The following FLVCR2 variants were observed in gnomAD, a reference collection of about 807,000 sequenced individuals.
The protein encoded by FLVCR2 is FLVCR choline and putative heme transporter 2, also known as choline/ethanolamine transporter FLVCR2.
A neutral mutation model predicts 48.9 loss-of-function variants in FLVCR2; 38 were observed. That is an observed-to-expected ratio of 0.78 (90% confidence interval 0.60 to 1.02). The LOEUF (loss-of-function observed/expected upper bound fraction) is 1.02. Among genes scored for constraint, FLVCR2 ranks in the 50% least tolerant of loss-of-function variants. FLVCR2 has a pLI of 0.00. For synonymous variants in FLVCR2, 255 were observed against 257.0 expected (o/e 0.99, Z 0.07); for missense variants, 664 against 663.3 (o/e 1.00, Z -0.01).
rs551239933 is a variant in FLVCR2, at chr14:75,595,708, G to T, written c.669+16067G>T. On this transcript the variant is annotated intron_variant, in intron 1 of 9. Transcript: ENST00000238667. ...TTGCTCACATGACTGTCTACTTTTTGTTTGTTTGTTTTTGTGTTTTCACAT... is the reference window on the plus strand; with the variant it reads ...TTGCTCACATGACTGTCTACTTTTTTTTTGTTTGTTTTTGTGTTTTCACAT... 1.1e-4 allele frequency: 69 copies of T among 603,114 alleles called. No individual in the cohort carries two copies. In the African/African-American group the frequency reaches 1.2e-3, roughly 10 times the overall value. 37.4% of individuals were successfully genotyped at this position (603,114 alleles called of 1,614,324 possible).
intron 3 of FLVCR2, among the ~76,000 whole-genome samples, chr14:75,626,338 C>A (rs775798110): frequency 3.9e-5 from 6 of 151,950 alleles, no homozygotes; most frequent in Non-Finnish European, 5.9e-5. Context: ...GATGTTCCTT[C>A]CTAGAATTGT....
intron 5 of FLVCR2, among the ~76,000 whole-genome samples, chr14:75,638,781 G>A (rs1026065177): frequency 1.6e-4 from 25 of 152,208 alleles, no homozygotes; most frequent in Non-Finnish European, 2.1e-4. Flanking sequence ...CAAAGATATC[G>A]TAAGATGGCT....
intron 3 of FLVCR2, among the ~76,000 whole-genome samples, chr14:75,628,838 G>T (rs1293330307): frequency 6.6e-6 from 1 of 152,206 alleles, no homozygotes; most frequent in Non-Finnish European, 1.5e-5. Context: ...GTTCTGAATG[G>T]AAGTGAAAGC....
rs573320267 is a variant in FLVCR2, at chr14:75,600,783, G to C, written c.669+21142G>C. ...AGGATGCTATTAACAGACTAAAAAAGTCACCCATATTTGGGAGAAAATATT... is the reference window on the plus strand; with the variant it reads ...AGGATGCTATTAACAGACTAAAAAACTCACCCATATTTGGGAGAAAATATT... On this transcript the variant is annotated intron_variant, in intron 1 of 9. Transcript: ENST00000238667. Among the ~76,000 whole-genome samples the C allele has an allele frequency of 1.2e-4, 18 of 151,942 alleles. No individual in the cohort carries two copies. In the South Asian group the frequency reaches 3.7e-3, roughly 32 times the overall value.
rs762680015 is a variant in FLVCR2 at position 75,579,474 on chromosome 14, A to C, written c.502A>C (p.Lys168Gln). 1 of 1,613,418 alleles carries C rather than the reference A, an allele frequency of 6.2e-7. No individual in the cohort carries two copies. The highest frequency in any genetic ancestry group is 1.7e-5 in the Admixed American group (1 of 60,024). Residue 168 changes from lysine to glutamine, a missense_variant, in exon 1 of 10, where the codon AAG becomes CAG. By Grantham distance (53) the Lys-to-Gln change is moderately conservative (BLOSUM62 1). Coordinates refer to ENST00000238667, the MANE Select transcript of FLVCR2 (RefSeq NM_017791.3). ...TCTCAACTGCCTGGGGGCCTGGGTGAAGCTGGGCAGCCTGAAGCCGCATCT... is the reference window on the plus strand; with the variant it reads ...TCTCAACTGCCTGGGGGCCTGGGTGCAGCTGGGCAGCCTGAAGCCGCATCT... The part of the protein sequence containing the change: ...SALNCLGAWV[K>Q]LGSLKPHLFP...
chr14:75,635,133 A>C (rs1374614905), intron 5 of FLVCR2, 120 bp downstream of exon 5: 9 of 730,844 alleles, frequency 1.2e-5, no homozygotes, highest in Non-Finnish European at 2.0e-5. Context: ...AGGTCATTCA[A>C]GTTTGACTTC....
chr14:75,624,197 A>G (rs1037022143), intron 2 of FLVCR2, among the ~76,000 whole-genome samples: 3 of 152,032 alleles, frequency 2.0e-5, no homozygotes, highest in African/African-American at 4.8e-5. Context: ...CCCCATCTCT[A>G]TGAAAAATAC....
chr14:75,597,439 G>A (rs890541933), intron 1 of FLVCR2, among the ~76,000 whole-genome samples: 1 of 152,176 alleles, frequency 6.6e-6, no homozygotes, highest in Non-Finnish European at 1.5e-5. Flanking sequence ...CTCAACTTGG[G>A]GGATTAGCCC....
chr14:75,637,356 C>T lies in FLVCR2; in HGVS notation c.1125-1996C>T, dbSNP rs538844694. 2.5e-4 allele frequency among the ~76,000 whole-genome samples: 38 copies of T among 152,198 alleles called. 1 individual carries two copies. Among genetic ancestry groups the T allele is most frequent in the Admixed American group, 2.4e-3 (36 of 15,276 alleles). ...CTGGCACTCAAGAGATGGAGGGTTT[C>T]GTTTGACACAACCGTAGCGTGCCAT... On this transcript the variant is annotated intron_variant, in intron 5 of 9. Coordinates refer to ENST00000238667, the MANE Select transcript of FLVCR2 (RefSeq NM_017791.3).
At position 75,579,772 on chromosome 14, in the gene FLVCR2, A is replaced by G. The variant is rs1888549010; in HGVS notation, c.669+131A>G. On this transcript the variant is annotated intron_variant, in intron 1 of 9. Coordinates refer to ENST00000238667, the MANE Select transcript of FLVCR2 (RefSeq NM_017791.3). ...CTCTGGGTGACAGTAACTGGGTGTG[A>G]CAGGCAGTGATTGTGATGCTGTAAG... The G allele has an allele frequency of 5.0e-6, 5 of 1,004,438 alleles. No individual in the cohort carries two copies. In the East Asian group the frequency reaches 1.3e-4, roughly 26 times the overall value. 62.2% of individuals were successfully genotyped at this position (1,004,438 alleles called of 1,614,324 possible).
chr14:75,642,507 T>G (rs1359513806), intron 9 of FLVCR2, among the ~76,000 whole-genome samples: 1 of 152,178 alleles, frequency 6.6e-6, no homozygotes, highest in African/African-American at 2.4e-5. Flanking sequence ...TGGGAACCAC[T>G]TTAAACAAAA....
chr14:75,589,531 C>A (rs1189745366), intron 1 of FLVCR2, among the ~76,000 whole-genome samples: 4 of 152,142 alleles, frequency 2.6e-5, no homozygotes, highest in African/African-American at 9.7e-5. Context: ...GAGTCTCATG[C>A]CTGCAGCTCT....
intron 1 of FLVCR2, among the ~76,000 whole-genome samples, chr14:75,611,778 C>G (rs1284671603): frequency 6.6e-6 from 1 of 152,010 alleles, no homozygotes; most frequent in Non-Finnish European, 1.5e-5. Context: ...ACAAACAAAA[C>G]CCAAACCAGA....
intron 6 of FLVCR2, chr14:75,640,652 C>G (rs1038985427): frequency 2.3e-6 from 1 of 431,016 alleles, no homozygotes; most frequent in Non-Finnish European, 4.3e-6. Context: ...GTTGAACACA[C>G]CAGGCATCCT....
At chr14:75,616,461 A>T (rs1002806) in intron 1 of FLVCR2, among the ~76,000 whole-genome samples, 124,057 of 152,130 alleles carry the variant, frequency 0.82, 51,577 homozygotes, top group East Asian at 0.94. Flanking sequence ...CAAAGAAAGC[A>T]GCTGGCTCAA....
chr14:75,605,117 C>G (rs1019381916), intron 1 of FLVCR2, among the ~76,000 whole-genome samples: 21 of 152,160 alleles, frequency 1.4e-4, no homozygotes, highest in African/African-American at 5.1e-4. Context: ...GATCTTTTTC[C>G]AACAATGCTG....
intron 1 of FLVCR2, among the ~76,000 whole-genome samples, chr14:75,600,670 A>G (rs764199207): frequency 3.9e-4 from 60 of 152,216 alleles, no homozygotes; most frequent in Admixed American, 2.0e-3. Flanking sequence ...AGTTCTGGCA[A>G]AGATTACTTG....
chr14:75,596,136 ACT>A, intron 1 of FLVCR2: 1 of 847,420 alleles, frequency 1.2e-6, no homozygotes, highest in Non-Finnish European at 2.0e-6. Context: ...GATATCAATG[ACT>A]GTTTGTTTCC....
At chr14:75,584,222 G>A (rs1300728711) in intron 1 of FLVCR2, among the ~76,000 whole-genome samples, 1 of 152,256 alleles carries the variant, frequency 6.6e-6, no homozygotes, top group Non-Finnish European at 1.5e-5. Flanking sequence ...TGGAGACGTG[G>A]TTGTGGGCTG....
Sources: allele counts gnomAD v4.1 joint callset (sites outside exome capture counted in the v4.1 genomes callset), GRCh38; gene constraint gnomAD v4.1.1; transcripts MANE v1.5; gene names NCBI Gene and HGNC (gene_info 2026-07-23, HGNC 2026-07-21).